The following PCDH11X variants were observed in gnomAD, a reference collection of about 807,000 sequenced individuals.
PCDH11X encodes protocadherin-11 X-linked.
PCDH11X carries 18 observed loss-of-function variants against 53.3 expected under a neutral mutation model. The ratio of observed to expected loss-of-function variants is 0.34; its 90% CI spans 0.23 to 0.50. PCDH11X has a LOEUF of 0.50. PCDH11X is among the 20% of genes least tolerant of loss of function. The probability of loss-of-function intolerance (pLI) is 0.98; values close to 1 mark genes in which losing one functional copy is unlikely to be tolerated. For synonymous variants in PCDH11X, 279 were observed against 393.3 expected (o/e 0.71, Z 3.44); for missense variants, 570 against 1,032.4 (o/e 0.55, Z 6.14).
Position 92,322,470 on chromosome X carries a change from T to C in PCDH11X, c.3144+59327T>C, listed in dbSNP as rs779639161. Reference sequence around the variant, plus strand: ...AAGGGTTGAGTGTATGCAAGGAAAATAGGAAGAAGTGGGCTTAATCGTAGG... The same window carrying C: ...AAGGGTTGAGTGTATGCAAGGAAAACAGGAAGAAGTGGGCTTAATCGTAGG... On this transcript the variant is annotated intron_variant, in intron 8 of 10. Transcript: ENST00000682573. Among the ~76,000 whole-genome samples, 22 of 111,377 alleles carry C rather than the reference T, an allele frequency of 2.0e-4. No homozygotes were observed. The East Asian group carries it at 6.2e-3, about 31-fold the overall frequency.
At chrX:92,404,663 A>G (rs867492869) in intron 9 of PCDH11X, among the ~76,000 whole-genome samples, 58 of 105,085 alleles carry the variant, frequency 5.5e-4, no homozygotes, top group Middle Eastern at 4.9e-3. Flanking sequence ...CTGAAAAGAG[A>G]ATTTTGACTT....
chrX:91,946,756 T>G (rs1160571535), intron 6 of PCDH11X, among the ~76,000 whole-genome samples: 2 of 97,539 alleles, frequency 2.1e-5, no homozygotes, highest in African/African-American at 7.3e-5. Context: ...TGATTCTCAC[T>G]GTTTTCTTCT....
intron 10 of PCDH11X, among the ~76,000 whole-genome samples, chrX:92,587,771 T>C (rs1286170455): frequency 9.3e-6 from 1 of 107,875 alleles, no homozygotes; most frequent in Admixed American, 1.0e-4. Context: ...TCTTTGCAGA[T>C]AGCTATTTCT....
chrX:92,422,670 T>A (rs1041244217), intron 9 of PCDH11X, among the ~76,000 whole-genome samples: 1 of 111,379 alleles, frequency 9.0e-6, no homozygotes, highest in Non-Finnish European at 1.9e-5. Flanking sequence ...TGGGTAGATA[T>A]TCGGTAGTGG....
At chrX:92,528,766 GA>G (rs765696778) in intron 10 of PCDH11X, among the ~76,000 whole-genome samples, 2 of 111,260 alleles carry the variant, frequency 1.8e-5, no homozygotes, top group East Asian at 2.8e-4. Context: ...TTTTAAGTAT[GA>G]AAAAAAGAAC....
chrX:92,375,513 A>G (rs10481956), intron 8 of PCDH11X, among the ~76,000 whole-genome samples: 3,663 of 105,646 alleles, frequency 0.035, 146 homozygotes, highest in African/African-American at 0.1. Flanking sequence ...GTTTATGTTT[A>G]TATGTATTTT....
intron 7 of PCDH11X, among the ~76,000 whole-genome samples, chrX:92,256,035 C>A (rs1194184276): frequency 2.7e-5 from 3 of 112,135 alleles, no homozygotes; most frequent in African/African-American, 6.5e-5. Context: ...CCCCCAGCCT[C>A]GCTGCCGCCT....
intron 6 of PCDH11X, among the ~76,000 whole-genome samples, chrX:91,954,392 G>T (rs1039271440): frequency 2.5e-4 from 28 of 111,178 alleles, no homozygotes; most frequent in South Asian, 3.8e-4. Flanking sequence ...CATGTCTTTG[G>T]TATTGTGAAT....
chrX:92,234,787 A>G (rs774085147), intron 7 of PCDH11X, among the ~76,000 whole-genome samples: 2 of 111,342 alleles, frequency 1.8e-5, no homozygotes, highest in South Asian at 3.8e-4. Flanking sequence ...AATAAGAACC[A>G]TGGAGGAAAC....
chrX:92,247,920 GTTTAGTGAAACCTGACAACAA>G (rs745778870), intron 7 of PCDH11X, among the ~76,000 whole-genome samples: 1 of 110,860 alleles, frequency 9.0e-6, no homozygotes, highest in Non-Finnish European at 1.9e-5. Flanking sequence ...ATTGAGACAG[GTTTAGTGAAACCTGACAACAA>G]TTTAGTGAAA....
chrX:91,875,756 G>A (rs756054538), intron 5 of PCDH11X, among the ~76,000 whole-genome samples: 1 of 109,305 alleles, frequency 9.1e-6, no homozygotes, highest in East Asian at 2.9e-4. Flanking sequence ...ACATTGCATT[G>A]TTAATCTCTG....
At chrX:92,605,144 C>A (rs1407408694) in intron 10 of PCDH11X, among the ~76,000 whole-genome samples, 1 of 109,104 alleles carries the variant, frequency 9.2e-6, no homozygotes, top group Non-Finnish European at 1.9e-5. Flanking sequence ...CATGATTTTC[C>A]AGGATAGACT....
chrX:91,836,478 G>T (rs1400533385), intron 5 of PCDH11X, among the ~76,000 whole-genome samples: 2 of 107,344 alleles, frequency 1.9e-5, no homozygotes, highest in Non-Finnish European at 3.8e-5. Context: ...TTGATATGGT[G>T]CCAAATAAAT....
At chrX:92,257,155 A>G (rs1201740493) in intron 7 of PCDH11X, among the ~76,000 whole-genome samples, 3 of 111,236 alleles carry the variant, frequency 2.7e-5, no homozygotes, top group Non-Finnish European at 5.7e-5. Flanking sequence ...AGCAAGGGAA[A>G]AAGGAGCTGC....
At chrX:91,883,213 A>G (rs1248539307) in intron 6 of PCDH11X, 1 of 901,390 alleles carries the variant, frequency 1.1e-6, no homozygotes, top group Admixed American at 5.4e-5. Context: ...CTCTGAATCA[A>G]CAGCCATGAT....
chrX:92,575,348 G>T (rs1213541866), intron 10 of PCDH11X, among the ~76,000 whole-genome samples: 2 of 109,308 alleles, frequency 1.8e-5, no homozygotes, highest in Non-Finnish European at 3.8e-5. Flanking sequence ...TTCAGGATTT[G>T]TTTTTAATTT....
intron 10 of PCDH11X, among the ~76,000 whole-genome samples, chrX:92,499,520 C>G (rs2073919201): frequency 1.2e-5 from 1 of 83,457 alleles, no homozygotes; most frequent in Non-Finnish European, 2.3e-5. Flanking sequence ...ACCTTCCTGA[C>G]TGGGTACGGT....
chrX:92,037,054 T>C (rs1352588496), intron 6 of PCDH11X, among the ~76,000 whole-genome samples: 2 of 112,078 alleles, frequency 1.8e-5, no homozygotes, highest in East Asian at 5.6e-4. Flanking sequence ...TATTTCATTT[T>C]ATTTTATTTT....
chrX:92,548,199 G>A (rs750394250), intron 10 of PCDH11X, among the ~76,000 whole-genome samples: 5 of 108,916 alleles, frequency 4.6e-5, no homozygotes, highest in Non-Finnish European at 9.5e-5. Flanking sequence ...TTTGAGACAT[G>A]CTTTCAGTTG....
Sources: gnomAD v4.1 joint callset for allele counts (sites outside exome capture counted in the v4.1 genomes callset) on GRCh38, gnomAD v4.1.1 for gene constraint, MANE v1.5 for transcripts, NCBI Gene and HGNC (gene_info 2026-07-23, HGNC 2026-07-21) for gene names.